ROBO2: variants seen among roughly 807,000 people sequenced by gnomAD.
ROBO2 encodes the protein roundabout homolog 2.
A neutral mutation model predicts 160.8 loss-of-function variants in ROBO2; 53 were observed. The ratio of observed to expected loss-of-function variants is 0.33; its 90% CI spans 0.26 to 0.41. The LOEUF (loss-of-function observed/expected upper bound fraction) is 0.41, where lower values mean the gene tolerates loss of function less well. ROBO2 is among the 10% of genes least tolerant of loss of function. ROBO2 has a pLI of 1.00. For missense variants in ROBO2, 1,577 were observed against 1,722.4 expected, an observed-to-expected ratio of 0.92 and a Z score of 1.49; for synonymous variants, 664 against 611.7, an observed-to-expected ratio of 1.09 and a Z score of -1.26.
At chr3:76,694,776 A>G (rs1357510636) in intron 2 of ROBO2, among the ~76,000 whole-genome samples, 3 of 152,170 alleles carry the variant, frequency 2.0e-5, no homozygotes, top group South Asian at 2.1e-4. Context: ...CTTTCTTAAT[A>G]TGAACATTGA....
chr3:76,384,121 T>G (rs1258934099), intron 2 of ROBO2, among the ~76,000 whole-genome samples: 1 of 152,240 alleles, frequency 6.6e-6, no homozygotes, highest in African/African-American at 2.4e-5. Context: ...CAACGCTTTC[T>G]TTGCCAACCG....
intron 1 of ROBO2, among the ~76,000 whole-genome samples, chr3:77,071,592 A>G (rs993991593): frequency 9.2e-5 from 14 of 152,168 alleles, no homozygotes; most frequent in Non-Finnish European, 4.4e-5. Flanking sequence ...ATGGCTATTA[A>G]GCAGCTTGCC....
At chr3:76,565,177 A>C (rs1432578616) in intron 2 of ROBO2, among the ~76,000 whole-genome samples, 1 of 152,204 alleles carries the variant, frequency 6.6e-6, no homozygotes, top group Non-Finnish European at 1.5e-5. Flanking sequence ...CATTCTAATG[A>C]GATTTCAATG....
chr3:76,642,414 G>A (rs1003197446), intron 2 of ROBO2, among the ~76,000 whole-genome samples: 4 of 140,190 alleles, frequency 2.9e-5, no homozygotes, highest in African/African-American at 8.3e-5. Context: ...GTGTAATGGC[G>A]TGATCTCAAT....
chr3:76,240,303 C>T (rs765448611), intron 2 of ROBO2, among the ~76,000 whole-genome samples: 12 of 151,928 alleles, frequency 7.9e-5, no homozygotes, highest in Admixed American at 6.6e-4. Context: ...CCGACAGGCC[C>T]CAGTGTGTGA....
intron 2 of ROBO2, among the ~76,000 whole-genome samples, chr3:76,716,907 C>T (rs781678734): frequency 2.0e-5 from 3 of 152,154 alleles, no homozygotes; most frequent in Non-Finnish European, 4.4e-5. Context: ...TGTCTACTCT[C>T]ATGAAAATAT....
At chr3:77,256,234 CA>C (rs2058402773) in intron 2 of ROBO2, among the ~76,000 whole-genome samples, 1 of 152,088 alleles carries the variant, frequency 6.6e-6, no homozygotes, top group Admixed American at 6.6e-5. Context: ...CAAGCAAAGA[CA>C]AATCTAAAAT....
At chr3:77,145,043 G>A (rs12494225) in intron 2 of ROBO2, among the ~76,000 whole-genome samples, 9,081 of 152,042 alleles carry the variant, frequency 0.06, 287 homozygotes, top group East Asian at 0.093. Context: ...TTAAGTGTTA[G>A]TATTATATAC....
At chr3:77,508,808 T>A (rs184819718) in intron 5 of ROBO2, among the ~76,000 whole-genome samples, 1 of 151,936 alleles carries the variant, frequency 6.6e-6, no homozygotes, top group African/African-American at 2.4e-5. Context: ...TATCTTAAAA[T>A]TTTTTTAAAA....
chr3:76,852,763 A>G (rs2069543919), intron 2 of ROBO2, among the ~76,000 whole-genome samples: 1 of 152,212 alleles, frequency 6.6e-6, no homozygotes, highest in Non-Finnish European at 1.5e-5. Flanking sequence ...AGTTATTACA[A>G]AACTTACATT....
At chr3:77,164,647 G>T (rs2078837926) in intron 2 of ROBO2, among the ~76,000 whole-genome samples, 1 of 120,700 alleles carries the variant, frequency 8.3e-6, no homozygotes, top group African/African-American at 3.2e-5. Flanking sequence ...CAGCCGCCCC[G>T]TCCGGGAGGG....
intron 2 of ROBO2, among the ~76,000 whole-genome samples, chr3:76,442,652 A>AT (rs1220158980): frequency 1.3e-5 from 2 of 152,038 alleles, no homozygotes; most frequent in African/African-American, 4.8e-5. Flanking sequence ...TCGGTTTCAA[A>AT]TTGCATGCTC....
At chr3:77,425,014 G>T (rs1020350832) in intron 2 of ROBO2, among the ~76,000 whole-genome samples, 3 of 152,122 alleles carry the variant, frequency 2.0e-5, no homozygotes, top group Non-Finnish European at 4.4e-5. Flanking sequence ...GATAAAGAGA[G>T]ATACATATAT....
chr3:77,133,275 G>A (rs1445455447), intron 2 of ROBO2, among the ~76,000 whole-genome samples: 2 of 152,068 alleles, frequency 1.3e-5, no homozygotes, highest in African/African-American at 2.4e-5. Context: ...AGAGGGTAGC[G>A]ATGAGGCCAC....
chr3:76,477,122 T>C (rs934102434), intron 2 of ROBO2, among the ~76,000 whole-genome samples: 1 of 152,170 alleles, frequency 6.6e-6, no homozygotes, highest in African/African-American at 2.4e-5. Context: ...ACAGGAATCA[T>C]ACACAGCTTC....
intron 2 of ROBO2, among the ~76,000 whole-genome samples, chr3:76,249,671 T>C (rs1052080687): frequency 2.0e-5 from 3 of 152,040 alleles, no homozygotes; most frequent in African/African-American, 7.2e-5. Flanking sequence ...TAATAATACT[T>C]TACTGCAGAA....
At chr3:77,085,778 A>G (rs2069220212) in intron 1 of ROBO2, among the ~76,000 whole-genome samples, 1 of 152,142 alleles carries the variant, frequency 6.6e-6, no homozygotes, top group Non-Finnish European at 1.5e-5. Context: ...TTAAAGATAC[A>G]CAATTTCATA....
chr3:76,822,726 A>T (rs1057155019), intron 2 of ROBO2, among the ~76,000 whole-genome samples: 3 of 148,626 alleles, frequency 2.0e-5, no homozygotes, highest in Non-Finnish European at 3.0e-5. Context: ...ATTATGAATT[A>T]AAAAAAAAAG....
At chr3:76,503,021 CGCGCGCACGCATGTGTGTGT>C (rs1459819600) in intron 2 of ROBO2, among the ~76,000 whole-genome samples, 10 of 145,910 alleles carry the variant, frequency 6.9e-5, no homozygotes, top group Admixed American at 4.7e-4. Flanking sequence ...TGTGTGTGTG[CGCGCGCACGCATGTGTGTGT>C]GCAAAGGGGA....
Sources: gnomAD v4.1 joint callset for allele counts (sites outside exome capture counted in the v4.1 genomes callset) on GRCh38, gnomAD v4.1.1 for gene constraint, MANE v1.5 for transcripts, NCBI Gene and HGNC (gene_info 2026-07-23, HGNC 2026-07-21) for gene names.